The following INPP5A variants were observed in gnomAD, a reference collection of about 807,000 sequenced individuals.
INPP5A encodes 43 kDa inositol polyphosphate 5-phophatase.
Under a neutral mutation model 65.2 loss-of-function variants are expected in INPP5A, and 14 were observed. The observed-to-expected ratio is 0.21, with a 90% confidence interval of 0.14 to 0.34. The LOEUF is 0.34. INPP5A is among the 10% of genes least tolerant of loss of function. The pLI is 1.00. For missense variants in INPP5A, 431 were observed against 545.6 expected (o/e 0.79, Z 2.09); for synonymous variants, 207 against 208.3 (o/e 0.99, Z 0.05).
At chr10:132,719,486 T>A (rs542331782) in intron 8 of INPP5A, among the ~76,000 whole-genome samples, 2 of 147,476 alleles carry the variant, frequency 1.4e-5, no homozygotes, top group Non-Finnish European at 3.0e-5. Flanking sequence ...TCTTGCGGGT[T>A]CTGTGGTACC....
chr10:132,721,903 T>A (rs1008256277), intron 8 of INPP5A, among the ~76,000 whole-genome samples: 1 of 152,174 alleles, frequency 6.6e-6, no homozygotes, highest in Admixed American at 6.5e-5. Flanking sequence ...GGGGTAGAGC[T>A]CACAGTGGGT....
At chr10:132,572,084 G>A (rs1350437477) in intron 1 of INPP5A, among the ~76,000 whole-genome samples, 1 of 152,230 alleles carries the variant, frequency 6.6e-6, no homozygotes, top group African/African-American at 2.4e-5. Context: ...ACACACTGGG[G>A]ATTTGACAGC....
chr10:132,736,819 C>G (rs1232587427), intron 9 of INPP5A, among the ~76,000 whole-genome samples: 1 of 152,254 alleles, frequency 6.6e-6, no homozygotes, highest in African/African-American at 2.4e-5. Context: ...TGGCCCCCCA[C>G]AGCCCCACAG....
intron 4 of INPP5A, among the ~76,000 whole-genome samples, chr10:132,669,877 G>A (rs1375997081): frequency 6.6e-6 from 1 of 152,002 alleles, no homozygotes; most frequent in Non-Finnish European, 1.5e-5. Context: ...GGACCCGCTG[G>A]TGACTGCTCC....
chr10:132,758,957 T>C (rs939709642), intron 11 of INPP5A, among the ~76,000 whole-genome samples: 5 of 152,236 alleles, frequency 3.3e-5, no homozygotes, highest in Non-Finnish European at 5.9e-5. Flanking sequence ...TTTTAATTTT[T>C]CTGCCATCAC....
chr10:132,705,550 T>C lies in INPP5A; in HGVS notation c.475-2763T>C, dbSNP rs1845525284. Among the ~76,000 whole-genome samples the C allele has an allele frequency of 6.6e-6, 1 of 152,240 alleles. No homozygotes were observed. Among genetic ancestry groups the C allele is most frequent in the African/African-American group, 2.4e-5 (1 of 41,468 alleles). On this transcript the variant is annotated intron_variant, in intron 6 of 15. Coordinates refer to ENST00000368594, the MANE Select transcript of INPP5A (RefSeq NM_005539.5). The surrounding 1 kb of genome is among the most constrained non-coding windows in gnomAD (Gnocchi z 4.9). Reference sequence around the variant, plus strand: ...GTAGAGCCATAGCCTGGCGTCCAAGTGCGTGGCCAGGCCGGGAGGAGTGTA... The same window carrying C: ...GTAGAGCCATAGCCTGGCGTCCAAGCGCGTGGCCAGGCCGGGAGGAGTGTA...
At chr10:132,694,688 T>G (rs907434698) in intron 5 of INPP5A, among the ~76,000 whole-genome samples, 4 of 152,152 alleles carry the variant, frequency 2.6e-5, no homozygotes, top group African/African-American at 9.6e-5. Flanking sequence ...ACACAGATTA[T>G]TAATATCAGA....
intron 1 of INPP5A, among the ~76,000 whole-genome samples, chr10:132,592,848 A>C (rs1028222457): frequency 3.9e-5 from 6 of 152,136 alleles, no homozygotes; most frequent in African/African-American, 1.4e-4. Flanking sequence ...TTGTTGTTTC[A>C]TGCTTCTGTA....
rs921251846 is a variant in INPP5A at position 132,551,016 on chromosome 10, T to C, written c.75+12845T>C. ...GGGGTCCACCTGAAAGGGGCTGCAC[T>C]GTGGTCCATTTGGGCCAGTGGCTTC... is the stretch of plus-strand genomic sequence containing the variant. On this transcript the variant is annotated intron_variant, in intron 1 of 15. Transcript: ENST00000368594. This position sits in a 1 kb window ranked among gnomAD's most constrained non-coding sequence, Gnocchi z 5.3. Among the ~76,000 whole-genome samples, 1 of 152,226 alleles carries C rather than the reference T, an allele frequency of 6.6e-6. No homozygotes were observed. Among genetic ancestry groups the C allele is most frequent in the Non-Finnish European group, 1.5e-5 (1 of 68,042 alleles).
At chr10:132,554,671 C>T (rs1052130910) in intron 1 of INPP5A, among the ~76,000 whole-genome samples, 6 of 146,036 alleles carry the variant, frequency 4.1e-5, no homozygotes, top group African/African-American at 1.3e-4. Context: ...GTATAGGTGG[C>T]GTGGTATTGT....
intron 11 of INPP5A, among the ~76,000 whole-genome samples, chr10:132,756,095 GC>G (rs891903818): frequency 3.6e-4 from 55 of 152,322 alleles, no homozygotes; most frequent in African/African-American, 1.3e-3. Flanking sequence ...AGTAAAGATG[GC>G]AACACACTCA....
At chr10:132,717,645 G>A in intron 8 of INPP5A, among the ~76,000 whole-genome samples, 1 of 148,576 alleles carries the variant, frequency 6.7e-6, no homozygotes, top group East Asian at 2.0e-4. Context: ...TGTCTTCAGG[G>A]TTCTGTGGTG....
At chr10:132,722,127 C>G (rs894244998) in intron 8 of INPP5A, among the ~76,000 whole-genome samples, 1 of 152,036 alleles carries the variant, frequency 6.6e-6, no homozygotes. Context: ...TTTATACTGT[C>G]GATGTTTTTG....
chr10:132,739,279 G>A (rs1590972057), intron 9 of INPP5A, among the ~76,000 whole-genome samples: 2 of 152,364 alleles, frequency 1.3e-5, no homozygotes, highest in East Asian at 3.9e-4. Context: ...CCGAGGAAGG[G>A]TCCTTGGTGC....
At chr10:132,764,374 C>T (rs1846791599) in intron 11 of INPP5A, among the ~76,000 whole-genome samples, 1 of 152,124 alleles carries the variant, frequency 6.6e-6, no homozygotes, top group Non-Finnish European at 1.5e-5. Flanking sequence ...CGGGCCAGTC[C>T]TGCAGGGTTG....
chr10:132,547,501 C>A lies in INPP5A; in HGVS notation c.75+9330C>A, dbSNP rs542953395. ...GCCCAGCTGCCGTGGTGAATATAAC[C>A]GGGAGGGAGTGCCCGCCTCTGCCCA... On this transcript the variant is annotated intron_variant, in intron 1 of 15. Coordinates refer to ENST00000368594, the MANE Select transcript of INPP5A (RefSeq NM_005539.5). This position sits in a 1 kb window ranked among gnomAD's most constrained non-coding sequence, Gnocchi z 5.5. 6.6e-6 allele frequency among the ~76,000 whole-genome samples: 1 copy of A among 152,088 alleles called. No homozygotes were observed. Among genetic ancestry groups the A allele is most frequent in the Non-Finnish European group, 1.5e-5 (1 of 68,004 alleles).
In INPP5A at chr10:132,676,434, G is replaced by C. The variant is rs1309426185; in HGVS notation, c.307-13958G>C. On this transcript the variant is annotated intron_variant, in intron 4 of 15. Coordinates refer to ENST00000368594, the MANE Select transcript of INPP5A (RefSeq NM_005539.5). This position sits in a 1 kb window ranked among gnomAD's most constrained non-coding sequence, Gnocchi z 4.0. The stretch of plus-strand genomic sequence containing the variant: ...TCTCCCTCCACTCCGGGTGAAAGAG[G>C]CATGGGGAATTTACTTGCTTTTCCT... 6.6e-6 allele frequency among the ~76,000 whole-genome samples: 1 copy of C among 152,206 alleles called. No homozygotes were observed. The highest frequency in any genetic ancestry group is 2.4e-5 in the African/African-American group (1 of 41,452).
chr10:132,551,577 C>G lies in INPP5A; in HGVS notation c.75+13406C>G, dbSNP rs1590822554. Among the ~76,000 whole-genome samples the G allele has an allele frequency of 6.6e-6, 1 of 152,356 alleles. No individual in the cohort carries two copies. The highest frequency in any genetic ancestry group is 1.9e-4 in the East Asian group (1 of 5,190). On this transcript the variant is annotated intron_variant, in intron 1 of 15. Coordinates refer to ENST00000368594, the MANE Select transcript of INPP5A (RefSeq NM_005539.5). This position sits in a 1 kb window ranked among gnomAD's most constrained non-coding sequence, Gnocchi z 5.3. ...CACACAGACTTGTGGGGACATATGA[C>G]TTGCTTTAATTTTCTCCATCACCGT...
chr10:132,712,469 G>C (rs1025293798), intron 8 of INPP5A, among the ~76,000 whole-genome samples: 3 of 150,832 alleles, frequency 2.0e-5, no homozygotes, highest in Admixed American at 2.0e-4. Context: ...GTGTGGTGTG[G>C]ATGTGTGTGG....
Sources: allele counts gnomAD v4.1 joint callset (sites outside exome capture counted in the v4.1 genomes callset), GRCh38; gene constraint gnomAD v4.1.1; non-coding constraint Gnocchi (gnomAD v3.1); transcripts MANE v1.5; gene names NCBI Gene and HGNC (gene_info 2026-07-23, HGNC 2026-07-21).